RAB8B: variants seen among roughly 807,000 people sequenced by gnomAD.
RAB8B encodes RAB8B, member RAS oncogene family, also known as ras-related protein Rab-8B.
In RAB8B, 11 loss-of-function variants were observed where a neutral mutation model predicts 32.0. The observed-to-expected ratio is 0.34, with a 90% CI of 0.22 to 0.57. The LOEUF (loss-of-function observed/expected upper bound fraction) is 0.57. Ranked by LOEUF, RAB8B falls within the 20% of genes least tolerant of loss-of-function variation. The pLI, the probability that RAB8B is intolerant of heterozygous loss-of-function variation, is 0.86. For missense variants in RAB8B, 190 were observed against 258.5 expected (o/e 0.73, Z 1.82); for synonymous variants, 103 against 89.6 (o/e 1.15, Z -0.85).
chr15:63,203,549 C>T (rs777893961), intron 1 of RAB8B, among the ~76,000 whole-genome samples: 3 of 152,218 alleles, frequency 2.0e-5, no homozygotes, highest in Admixed American at 6.5e-5. Flanking sequence ...TAGGTCCAGA[C>T]AGCTGTAAGA....
chr15:63,216,228 AT>A (rs2037790377), intron 1 of RAB8B, among the ~76,000 whole-genome samples: 1 of 23,270 alleles, frequency 4.3e-5, no homozygotes, highest in East Asian at 0.013. Flanking sequence ...TAATTAATTA[AT>A]TATTATTTTT....
At chr15:63,245,161 G>A (rs904950469) in intron 2 of RAB8B, among the ~76,000 whole-genome samples, 4 of 152,176 alleles carry the variant, frequency 2.6e-5, no homozygotes, top group African/African-American at 7.2e-5. Flanking sequence ...TAGTCACGTC[G>A]CAGGAACCCT....
rs144584677 is a variant in RAB8B, at chr15:63,222,668, A to G, written c.125-22088A>G. Among the ~76,000 whole-genome samples, 408 of 151,756 alleles carry G rather than the reference A, an allele frequency of 2.7e-3. 3 individuals carry two copies. Among genetic ancestry groups the G allele is most frequent in the African/African-American group, 8.1e-3 (336 of 41,370 alleles). ...TTCTCCTGCCTCAGCCTCCCGAGTA[A>G]CTGGGACTACAGGCATATGCCACGA... On this transcript the variant is annotated intron_variant, in intron 1 of 7. Coordinates refer to ENST00000321437, the MANE Select transcript of RAB8B (RefSeq NM_016530.3).
chr15:63,217,393 AT>A (rs2141119545), intron 1 of RAB8B, among the ~76,000 whole-genome samples: 1 of 152,278 alleles, frequency 6.6e-6, no homozygotes, highest in East Asian at 1.9e-4. Context: ...TCCAGCAGCA[AT>A]TTAGACATTT....
At chr15:63,202,681 C>G (rs891361002) in intron 1 of RAB8B, among the ~76,000 whole-genome samples, 5 of 152,232 alleles carry the variant, frequency 3.3e-5, no homozygotes, top group African/African-American at 1.2e-4. Flanking sequence ...TAATTGTGAG[C>G]TTCCTTCCTT....
chr15:63,255,666 T>C, intron 4 of RAB8B, 82 bp downstream of exon 4: 1 of 1,158,294 alleles, frequency 8.6e-7, no homozygotes, highest in Non-Finnish European at 1.3e-6. Context: ...GCAAGGCAGC[T>C]GAGCTGCTTA....
intron 1 of RAB8B, among the ~76,000 whole-genome samples, chr15:63,227,891 T>TTTTCC (rs1200966490): frequency 2.0e-5 from 3 of 152,278 alleles, no homozygotes; most frequent in South Asian, 2.1e-4. Context: ...CTTTTTTCTC[T>TTTTCC]TTTCCTTTCC....
At position 63,246,399 on chromosome 15, in the gene RAB8B, CCCT is replaced by C. The variant is rs568695135; in HGVS notation, c.185+1588_185+1590del. 2.4e-3 allele frequency among the ~76,000 whole-genome samples: 369 copies of C among 152,260 alleles called. 4 individuals are homozygous for C. Among genetic ancestry groups the C allele is most frequent in the African/African-American group, 7.9e-3 (329 of 41,530 alleles). ...CTATAAATTGGGGTTCTGATGACCCCCCTCCTCTGATTCCTTTAATTTACTAGA... is the reference window on the plus strand; with the variant it reads ...CTATAAATTGGGGTTCTGATGACCCCCCTCTGATTCCTTTAATTTACTAGA... On this transcript the variant is annotated intron_variant, in intron 2 of 7. Coordinates refer to ENST00000321437, the MANE Select transcript of RAB8B (RefSeq NM_016530.3).
At chr15:63,263,132 A>G (rs1486939312) in intron 7 of RAB8B, among the ~76,000 whole-genome samples, 1 of 152,208 alleles carries the variant, frequency 6.6e-6, no homozygotes, top group African/African-American at 2.4e-5. Context: ...AGTTTGTTTT[A>G]TCCTGAGTCC....
chr15:63,241,472 A>G (rs529111019), intron 1 of RAB8B, among the ~76,000 whole-genome samples: 1 of 152,332 alleles, frequency 6.6e-6, no homozygotes, highest in African/African-American at 2.4e-5. Context: ...TAAAAACATA[A>G]TATGTAAGTT....
At chr15:63,225,080 A>T (rs1159725497) in intron 1 of RAB8B, among the ~76,000 whole-genome samples, 1 of 152,210 alleles carries the variant, frequency 6.6e-6, no homozygotes, top group Non-Finnish European at 1.5e-5. Context: ...TACACAATAA[A>T]TATAATATCG....
chr15:63,216,304 C>T (rs371191279), intron 1 of RAB8B, among the ~76,000 whole-genome samples: 1 of 149,622 alleles, frequency 6.7e-6, no homozygotes, highest in Non-Finnish European at 1.5e-5. Flanking sequence ...TCTTGGCTCA[C>T]TGCAACCTCC....
intron 1 of RAB8B, among the ~76,000 whole-genome samples, chr15:63,217,686 A>G (rs1198239344): frequency 1.1e-4 from 16 of 152,278 alleles, no homozygotes; most frequent in Admixed American, 1.0e-3. Flanking sequence ...TGCCTTTAAT[A>G]ATATTTTATT....
At chr15:63,262,986 AAATAAT>A (rs2038214844) in intron 7 of RAB8B, among the ~76,000 whole-genome samples, 1 of 152,148 alleles carries the variant, frequency 6.6e-6, no homozygotes, top group African/African-American at 2.4e-5. Flanking sequence ...AGAATAATGA[AAATAAT>A]AATGGCACAA....
intron 1 of RAB8B, among the ~76,000 whole-genome samples, chr15:63,227,001 G>A (rs576127402): frequency 1.3e-5 from 2 of 152,168 alleles, no homozygotes; most frequent in Admixed American, 1.3e-4. Context: ...GTGCTGGTGG[G>A]AGTGTAGCAG....
At chr15:63,238,888 A>G (rs1301175308) in intron 1 of RAB8B, among the ~76,000 whole-genome samples, 2 of 152,206 alleles carry the variant, frequency 1.3e-5, no homozygotes, top group Admixed American at 1.3e-4. Context: ...CCATGGTTAT[A>G]AGTCCAGAAA....
At position 63,207,085 on chromosome 15, in the gene RAB8B, G is replaced by A. The variant is rs191717135; in HGVS notation, c.124+17337G>A. On this transcript the variant is annotated intron_variant, in intron 1 of 7. Transcript: ENST00000321437. ...TGGTAGTCTCATTTTGCCTTTTAAT[G>A]GAAGTCACTTCCAAGTGTCTGTTCT... Among the ~76,000 whole-genome samples the A allele has an allele frequency of 3.9e-3, 590 of 152,228 alleles. 3 individuals carry two copies. Among genetic ancestry groups the A allele is most frequent in the Non-Finnish European group, 5.6e-3 (379 of 68,016 alleles).
intron 1 of RAB8B, among the ~76,000 whole-genome samples, chr15:63,238,831 G>C (rs371383272): frequency 3.9e-5 from 6 of 152,292 alleles, no homozygotes; most frequent in East Asian, 1.9e-4. Flanking sequence ...CCCCGTGGCA[G>C]TGATTAGTTC....
intron 1 of RAB8B, among the ~76,000 whole-genome samples, chr15:63,202,394 C>G (rs2037660599): frequency 6.6e-6 from 1 of 152,210 alleles, no homozygotes; most frequent in African/African-American, 2.4e-5. Context: ...ATAGCTAATG[C>G]AAACATGCAT....
Sources: allele counts gnomAD v4.1 joint callset (sites outside exome capture counted in the v4.1 genomes callset), GRCh38; gene constraint gnomAD v4.1.1; transcripts MANE v1.5; gene names NCBI Gene and HGNC (gene_info 2026-07-23, HGNC 2026-07-21).